Variants in SORBS3 observed in about 807,000 individuals in gnomAD.
SORBS3 encodes the protein sorbin and SH3 domain containing 3.
A neutral mutation model predicts 98.0 loss-of-function variants in SORBS3; 69 were observed. The observed-to-expected ratio is 0.70, with a 90% CI of 0.58 to 0.86. SORBS3 has a LOEUF of 0.86. SORBS3 is among the 40% of genes least tolerant of loss of function. The pLI, the probability that SORBS3 is intolerant of heterozygous loss-of-function variation, is 0.00. For missense variants in SORBS3, 954 were observed against 908.5 expected, an observed-to-expected ratio of 1.05 and a Z score of -0.64; for synonymous variants, 394 against 355.4, an observed-to-expected ratio of 1.11 and a Z score of -1.22.
chr8:22,561,135 C>T, intron 5 of SORBS3, 200 bp from the exon 6 acceptor site: 1 of 526,990 alleles, frequency 1.9e-6, no homozygotes, highest in Non-Finnish European at 3.3e-6. Context: ...CGCTTAGGCC[C>T]CAAGCCTGCC....
At chr8:22,550,882 G>A (rs1292366659), upstream of SORBS3, among the ~76,000 whole-genome samples, 1 of 152,250 alleles carries the variant, frequency 6.6e-6, no homozygotes, top group African/African-American at 2.4e-5. Context: ...GCCAACTCAA[G>A]GGCCAGAAAG....
chr8:22,547,702 T>C (rs889737330), upstream of SORBS3, among the ~76,000 whole-genome samples: 3 of 152,232 alleles, frequency 2.0e-5, no homozygotes, highest in African/African-American at 4.8e-5. Context: ...CCTTATAAAA[T>C]CTACTTTCTA....
intron 1 of SORBS3, chr8:22,545,247 G>T (rs917838325): frequency 1.1e-4 from 16 of 152,316 alleles, no homozygotes; most frequent in African/African-American, 3.6e-4. Context: ...GTGATGAGAC[G>T]CCTGGAGGAA....
intron 10 of SORBS3, 59 bp from the exon 11 acceptor site, chr8:22,565,209 G>A (rs1015393825): frequency 1.5e-5 from 23 of 1,487,960 alleles, no homozygotes; most frequent in Admixed American, 2.0e-5. Context: ...ATCTTTGACC[G>A]CTGCCTCCCA....
At chr8:22,572,661 G>A (rs1354110636) in intron 20 of SORBS3, among the ~76,000 whole-genome samples, 1 of 152,242 alleles carries the variant, frequency 6.6e-6, no homozygotes, top group Non-Finnish European at 1.5e-5. Flanking sequence ...AGGCCCAGGA[G>A]GAAACTGGCA....
chr8:22,565,003 G>T (rs1840375110), intron 10 of SORBS3: 2 of 1,379,778 alleles, frequency 1.4e-6, no homozygotes, highest in African/African-American at 1.5e-5. Context: ...ACACAACTTG[G>T]CAGAAACTGG....
At chr8:22,567,248 C>A in intron 16 of SORBS3, 73 bp downstream of exon 16, 2 of 1,118,738 alleles carry the variant, frequency 1.8e-6, no homozygotes, top group South Asian at 1.4e-5. Flanking sequence ...TTAGTGCAAA[C>A]CTTGGGTTTC....
In SORBS3 at chr8:22,565,867, G is replaced by T; in HGVS notation, c.945G>T (p.Pro315=). ...APRRAPEQRP[P]AGPASAWSSS... ...GACGGGCCCCGGAGCAGCGGCCCCC[G>T]GCCGGGTGAGTGGGAGACGCGGGAG... The change falls in exon 12 of 21, where the codon CCG becomes CCT. Residue 315 remains proline (P), a synonymous_variant. Coordinates refer to ENST00000240123, the MANE Select transcript of SORBS3 (RefSeq NM_005775.5). The T allele has an allele frequency of 5.5e-6, 7 of 1,265,936 alleles. No individual in the cohort carries two copies. Among genetic ancestry groups the T allele is most frequent in the Non-Finnish European group, 7.0e-6 (7 of 1,006,384 alleles). The allele number at this position is 1,265,936 out of a possible 1,614,324, so 78.4% of individuals were successfully genotyped here.
In SORBS3 at chr8:22,566,449, G is replaced by A. The variant is rs1294055526; in HGVS notation, c.1055G>A (p.Gly352Asp). 2 of 1,613,852 alleles carry A rather than the reference G, an allele frequency of 1.2e-6. No homozygotes were observed. The highest frequency in any genetic ancestry group is 1.3e-5 in the African/African-American group (1 of 74,936). Residue 352 changes from glycine to aspartate, a missense_variant, in exon 13 of 21, where the codon GGT (glycine) becomes GAT (aspartate). Physicochemically the swap from Gly to Asp is moderately conservative, Grantham distance 94. Coordinates refer to ENST00000240123, the MANE Select transcript of SORBS3 (RefSeq NM_005775.5). ...KMADGGSPFL[G>D]RRDFVYPSST... ...GCTGATGGAGGAAGCCCCTTCCTAG[G>A]TCGGAGGGACTTTGTCTACCCTTCC...
In SORBS3 at chr8:22,566,828, G is replaced by T; in HGVS notation, c.1150G>T (p.Ala384Ser). 6.2e-7 allele frequency: 1 copy of T among 1,613,766 alleles called. No homozygotes were observed. Among genetic ancestry groups the T allele is most frequent in the Admixed American group, 1.7e-5 (1 of 59,956 alleles). The change falls in exon 15 of 21, where the codon GCC (alanine) becomes TCC (serine). Residue 384 changes from alanine (A) to serine (S), a missense_variant. By Grantham distance (99) the Ala-to-Ser change is moderately conservative. Transcript: ENST00000240123. Reference sequence around the variant, plus strand: ...TGTCCTCTCCCCTGCCTAGAGAAAGGCCGCCAGGCTCAAGTTTGACTTCCA... The same window carrying T: ...TGTCCTCTCCCCTGCCTAGAGAAAGTCCGCCAGGCTCAAGTTTGACTTCCA... ...PARREEKKRKAARLKFDFQAQ... is the reference protein window; with the variant it reads ...PARREEKKRKSARLKFDFQAQ...
chr8:22,560,524 A>G (rs1455531595), intron 5 of SORBS3, among the ~76,000 whole-genome samples: 1 of 152,138 alleles, frequency 6.6e-6, no homozygotes, highest in Non-Finnish European at 1.5e-5. Context: ...ATTCCAAAAG[A>G]AAAATGTGAC....
rs139783217 is a variant in SORBS3 at position 22,554,549 on chromosome 8, G to T, written c.43G>T (p.Asp15Tyr). 6.2e-7 allele frequency: 1 copy of T among 1,612,948 alleles called. No individual in the cohort carries two copies. Among genetic ancestry groups the T allele is most frequent in the Non-Finnish European group, 8.5e-7 (1 of 1,179,994 alleles). ...PRSLRAGLSL[D>Y]DFIPGHLQSH... ...CAGCCTCCGCGCTGGGCTCAGCCTGGACGACTTCATCCCTGGCCACCTCCA... is the reference window on the plus strand; with the variant it reads ...CAGCCTCCGCGCTGGGCTCAGCCTGTACGACTTCATCCCTGGCCACCTCCA... The change falls in exon 2 of 21, where the codon GAC becomes TAC. Residue 15 changes from aspartate to tyrosine, a missense_variant. Asp to Tyr is a radical substitution (Grantham distance 160). Coordinates refer to ENST00000240123, the MANE Select transcript of SORBS3 (RefSeq NM_005775.5). This position sits in a 1 kb window ranked among gnomAD's most constrained non-coding sequence, Gnocchi z 6.5.
At chr8:22,549,517 C>T (rs1166127093), upstream of SORBS3, among the ~76,000 whole-genome samples, 1 of 152,198 alleles carries the variant, frequency 6.6e-6, no homozygotes, top group Non-Finnish European at 1.5e-5. Context: ...TAGATAAGGG[C>T]AGAAAGGGAG....
At chr8:22,573,505 G>A (rs1840644303) in intron 20 of SORBS3, 1 of 441,328 alleles carries the variant, frequency 2.3e-6, no homozygotes, top group Admixed American at 2.4e-5. Context: ...CAGTTGCACA[G>A]GCACATCTCA....
At chr8:22,561,714 G>C in intron 6 of SORBS3, 151 bp from the exon 7 acceptor site, 1 of 689,024 alleles carries the variant, frequency 1.5e-6, no homozygotes, top group Middle Eastern at 2.4e-4. Context: ...CGCGTTCAGT[G>C]TCCCTGAGCA....
chr8:22,561,460 C>A, intron 6 of SORBS3, 87 bp downstream of exon 6: 2 of 1,452,380 alleles, frequency 1.4e-6, no homozygotes, highest in Non-Finnish European at 1.9e-6. Context: ...CCCCGCCTGG[C>A]TTTGGGGCTC....
chr8:22,550,298 A>G (rs953422066), upstream of SORBS3, among the ~76,000 whole-genome samples: 2 of 152,184 alleles, frequency 1.3e-5, no homozygotes, highest in Non-Finnish European at 2.9e-5. Flanking sequence ...GGAGTCTTCA[A>G]GGTCATCTTG....
chr8:22,556,638 C>T (rs917308187), intron 3 of SORBS3, 77 bp from the exon 4 acceptor site: 7 of 1,318,486 alleles, frequency 5.3e-6, no homozygotes, highest in Non-Finnish European at 6.5e-6. Flanking sequence ...GATCCATGCT[C>T]TGAGGAGCTA....
chr8:22,567,138 A>ACGGC lies in SORBS3; in HGVS notation c.1271_1274dup (p.Leu426ProfsTer8). ...AAGAACTGGCTGGAGGGAGAGCACC[A>ACGGC]CGGCCGCCTGGGCATCTTCCCTGCT... On this transcript the variant is annotated frameshift_variant, in exon 16 of 21. Coordinates refer to ENST00000240123, the MANE Select transcript of SORBS3 (RefSeq NM_005775.5). LOFTEE classifies it high-confidence loss of function. 1.2e-6 allele frequency: 2 copies of ACGGC among 1,612,740 alleles called. No homozygotes were observed. Among genetic ancestry groups the ACGGC allele is most frequent in the Non-Finnish European group, 1.7e-6 (2 of 1,179,362 alleles).
Sources: gnomAD v4.1 joint callset for allele counts (sites outside exome capture counted in the v4.1 genomes callset) on GRCh38, gnomAD v4.1.1 for gene constraint, Gnocchi (gnomAD v3.1) non-coding constraint, MANE v1.5 for transcripts, NCBI Gene and HGNC (gene_info 2026-07-23, HGNC 2026-07-21) for gene names.